SNX8: variants seen among roughly 807,000 people sequenced by gnomAD.
SNX8 encodes the protein sorting nexin 8, also known as sorting nexin-8.
SNX8 carries 25 observed loss-of-function variants against 51.6 expected under a neutral mutation model. That is an observed-to-expected ratio of 0.48 (90% CI 0.35 to 0.68). The LOEUF (loss-of-function observed/expected upper bound fraction) is 0.68, where lower values mean the gene tolerates loss of function less well. Ranked by LOEUF, SNX8 falls within the 30% of genes least tolerant of loss-of-function variation. The pLI is 0.00. For synonymous variants in SNX8, 324 were observed against 277.0 expected (o/e 1.17, Z -1.68); for missense variants, 695 against 624.0 (o/e 1.11, Z -1.21).
chr7:2,291,431 C>G (rs1462829322), intron 1 of SNX8, among the ~76,000 whole-genome samples: 1 of 152,074 alleles, frequency 6.6e-6, no homozygotes, highest in Non-Finnish European at 1.5e-5. Context: ...AACCCTGTCT[C>G]TACTAAAAAT....
Position 2,275,195 on chromosome 7 carries a change from T to A in SNX8, c.335A>T (p.Asp112Val). The change falls in exon 3 of 11, where the codon GAC (aspartate) becomes GTC (valine). Residue 112 changes from aspartate (D) to valine (V), a missense_variant. By Grantham distance (152) the Asp-to-Val change is radical (BLOSUM62 -3). Coordinates refer to ENST00000222990, the MANE Select transcript of SNX8 (RefSeq NM_013321.4). ...GAGCATCTCCTGGAAGACCACGAAG[T>A]CATTGTACCGTCTGTATACCGAGGA... ...FKSSVYRRYN[D>V]FVVFQEMLLH... 1 of 1,614,038 alleles carries A rather than the reference T, an allele frequency of 6.2e-7. No homozygotes were observed. Among genetic ancestry groups the A allele is most frequent in the Non-Finnish European group, 8.5e-7 (1 of 1,179,956 alleles).
At chr7:2,349,696 A>G (rs917708889) in intron 1 of SNX8, among the ~76,000 whole-genome samples, 2 of 152,030 alleles carry the variant, frequency 1.3e-5, no homozygotes, top group African/African-American at 4.8e-5. Flanking sequence ...CTCAGCTCCC[A>G]AAGTGTTGGG....
In SNX8 at chr7:2,275,156, G is replaced by A; in HGVS notation, c.374C>T (p.Pro125Leu). 6.2e-7 allele frequency: 1 copy of A among 1,614,142 alleles called. No homozygotes were observed. ...VFQEMLLHKF[P>L]YRMVPALPPK... Reference sequence around the variant, plus strand: ...TGGCAGGGCAGGCACCATACGGTAGGGGAACTTGTGCAGGAGCATCTCCTG... The same window carrying A: ...TGGCAGGGCAGGCACCATACGGTAGAGGAACTTGTGCAGGAGCATCTCCTG... Residue 125 changes from proline (P) to leucine (L), a missense_variant, in exon 3 of 11, where the codon CCC (proline) becomes CTC (leucine). By Grantham distance (98) the Pro-to-Leu change is moderately conservative (BLOSUM62 -3). Transcript: ENST00000222990.
At chr7:2,304,243 A>G (rs1213534978) in intron 1 of SNX8, among the ~76,000 whole-genome samples, 2 of 151,346 alleles carry the variant, frequency 1.3e-5, no homozygotes, top group Non-Finnish European at 2.9e-5. Flanking sequence ...AGGACCGACT[A>G]CACATAAATC....
chr7:2,257,265 A>C, intron 9 of SNX8, 100 bp downstream of exon 9: 3 of 1,403,290 alleles, frequency 2.1e-6, no homozygotes, highest in Non-Finnish European at 1.9e-6. Context: ...TCCAGACACA[A>C]GGAGCCAACC....
intron 7 of SNX8, among the ~76,000 whole-genome samples, chr7:2,259,549 C>T (rs1795286837): frequency 6.6e-6 from 1 of 152,170 alleles, no homozygotes; most frequent in Non-Finnish European, 1.5e-5. Context: ...CCTGCTGCAC[C>T]CCAGGGGACC....
chr7:2,323,329 C>CAAAAAAAA (rs35005505), intron 1 of SNX8, among the ~76,000 whole-genome samples: 1 of 105,902 alleles, frequency 9.4e-6, no homozygotes, highest in Non-Finnish European at 1.9e-5. Flanking sequence ...GAGTCTGTCT[C>CAAAAAAAA]AAAAAAAAAA....
chr7:2,313,596 C>T (rs1285930341), intron 1 of SNX8, among the ~76,000 whole-genome samples: 2 of 151,992 alleles, frequency 1.3e-5, no homozygotes, highest in African/African-American at 4.8e-5. Context: ...GGCACGATGG[C>T]TCATGCCCGT....
upstream of SNX8, among the ~76,000 whole-genome samples, chr7:2,315,669 TTCAC>T (rs1274873161): frequency 6.8e-6 from 1 of 146,332 alleles, no homozygotes; most frequent in African/African-American, 2.6e-5. Context: ...CATTCATTCA[TTCAC>T]CAACCCACTC....
chr7:2,322,563 G>A (rs189169313), intron 1 of SNX8, among the ~76,000 whole-genome samples: 19 of 151,978 alleles, frequency 1.3e-4, no homozygotes, highest in South Asian at 4.2e-4. Context: ...GTGTGGTGGC[G>A]CACGCCTGTA....
intron 4 of SNX8, among the ~76,000 whole-genome samples, chr7:2,271,628 C>T (rs567330083): frequency 5.9e-5 from 9 of 152,312 alleles, no homozygotes; most frequent in East Asian, 1.9e-4. Context: ...ATGATCTCCA[C>T]GCGGATTTAC....
At chr7:2,265,659 A>G (rs1168208428) in intron 5 of SNX8, among the ~76,000 whole-genome samples, 2 of 152,166 alleles carry the variant, frequency 1.3e-5, no homozygotes, top group Non-Finnish European at 2.9e-5. Flanking sequence ...ATAAAAACAA[A>G]CAATCTTCAA....
At chr7:2,332,084 G>A (rs1332998218) in intron 1 of SNX8, among the ~76,000 whole-genome samples, 1 of 151,742 alleles carries the variant, frequency 6.6e-6, no homozygotes, top group East Asian at 1.9e-4. Context: ...GCTTGCACCT[G>A]TAGTTCCAGC....
chr7:2,350,595 G>A (rs1369617008), intron 1 of SNX8, among the ~76,000 whole-genome samples: 1 of 152,140 alleles, frequency 6.6e-6, no homozygotes, highest in Non-Finnish European at 1.5e-5. Context: ...CTCTAAGCCA[G>A]GAGTTCAAGA....
At chr7:2,336,899 C>T (rs1356897466) in intron 1 of SNX8, among the ~76,000 whole-genome samples, 1 of 151,540 alleles carries the variant, frequency 6.6e-6, no homozygotes, top group East Asian at 1.9e-4. Context: ...ATCCCAGCTA[C>T]TCCGGAGCCT....
At chr7:2,303,089 C>T (rs1349862767) in intron 1 of SNX8, among the ~76,000 whole-genome samples, 2 of 149,428 alleles carry the variant, frequency 1.3e-5, no homozygotes, top group African/African-American at 2.5e-5. Flanking sequence ...GCCAGCCGCC[C>T]CGTCCGGGAG....
intron 8 of SNX8, 64 bp downstream of exon 8, chr7:2,257,671 C>T: frequency 6.3e-7 from 1 of 1,589,522 alleles, no homozygotes; most frequent in Non-Finnish European, 8.6e-7. Context: ...GAGTTAGACC[C>T]TTGAAGGATC....
chr7:2,352,852 ATT>A (rs1308543472), intron 1 of SNX8, among the ~76,000 whole-genome samples: 1 of 151,896 alleles, frequency 6.6e-6, no homozygotes, highest in East Asian at 1.9e-4. Flanking sequence ...AAAAAAAAAA[ATT>A]GTCATCCCTT....
At chr7:2,354,355 A>G (rs1038136045), upstream of SNX8, 1 of 152,258 alleles carries the variant, frequency 6.6e-6, no homozygotes, top group Non-Finnish European at 1.5e-5. Context: ...ACAGACACGG[A>G]CAGGGGGGAC....
Sources: allele counts gnomAD v4.1 joint callset (sites outside exome capture counted in the v4.1 genomes callset), GRCh38; gene constraint gnomAD v4.1.1; transcripts MANE v1.5; gene names NCBI Gene and HGNC (gene_info 2026-07-23, HGNC 2026-07-21).